DMRT1: variants seen among roughly 807,000 people sequenced by gnomAD.
The protein encoded by DMRT1 is doublesex and mab-3 related transcription factor 1, also known as doublesex- and mab-3-related transcription factor 1.
In DMRT1, 7 loss-of-function variants were observed where a neutral mutation model predicts 32.3. That is an observed-to-expected ratio of 0.22 (90% CI 0.12 to 0.41). The LOEUF is 0.41. Ranked by LOEUF, DMRT1 falls within the 10% of genes least tolerant of loss-of-function variation. The pLI, the probability that DMRT1 is intolerant of heterozygous loss-of-function variation, is 1.00. For missense variants in DMRT1, 625 were observed against 500.5 expected (o/e 1.25, Z -2.37); for synonymous variants, 278 against 206.1 (o/e 1.35, Z -2.99).
intron 2 of DMRT1, among the ~76,000 whole-genome samples, chr9:876,411 C>G (rs1263168632): frequency 2.0e-5 from 3 of 152,156 alleles, no homozygotes; most frequent in African/African-American, 4.8e-5. Flanking sequence ...CACAGTCTGT[C>G]TTTGGAGCTT....
intron 2 of DMRT1, among the ~76,000 whole-genome samples, chr9:888,812 G>A (rs1817031588): frequency 6.6e-6 from 1 of 152,026 alleles, no homozygotes; most frequent in Non-Finnish European, 1.5e-5. Flanking sequence ...ACAGCCGTGT[G>A]TCTCAACAGT....
At chr9:880,108 G>A (rs934961689) in intron 2 of DMRT1, among the ~76,000 whole-genome samples, 5 of 152,086 alleles carry the variant, frequency 3.3e-5, no homozygotes, top group Admixed American at 1.3e-4. Flanking sequence ...AGAGAATGCC[G>A]CCAAATATCT....
intron 1 of DMRT1, 145 bp from the exon 2 acceptor site, chr9:846,815 G>A (rs936012344): frequency 1.0e-6 from 1 of 973,216 alleles, no homozygotes; most frequent in African/African-American, 1.6e-5. Flanking sequence ...ATAGTTACCT[G>A]GGTGGGTTTA....
At chr9:961,011 C>A (rs1819754720) in intron 4 of DMRT1, among the ~76,000 whole-genome samples, 1 of 152,152 alleles carries the variant, frequency 6.6e-6, no homozygotes, top group African/African-American at 2.4e-5. Flanking sequence ...AATGGGGCCC[C>A]ACGCCTTGTG....
At chr9:881,045 C>G (rs563060374) in intron 2 of DMRT1, among the ~76,000 whole-genome samples, 3 of 152,042 alleles carry the variant, frequency 2.0e-5, no homozygotes, top group Non-Finnish European at 2.9e-5. Context: ...TGCCTGGGTC[C>G]CATTGCGGGA....
chr9:900,976 G>C (rs555672913), intron 3 of DMRT1, among the ~76,000 whole-genome samples: 1 of 151,718 alleles, frequency 6.6e-6, no homozygotes, highest in Admixed American at 6.6e-5. Context: ...ACAGGCTTGA[G>C]CTGCTGTGCC....
chr9:919,224 GT>G (rs1328326506), intron 4 of DMRT1, among the ~76,000 whole-genome samples: 4 of 152,134 alleles, frequency 2.6e-5, no homozygotes, highest in Non-Finnish European at 5.9e-5. Context: ...GAAAGACAGT[GT>G]TTTCAGTAGG....
At chr9:898,408 C>A (rs1176796876) in intron 3 of DMRT1, among the ~76,000 whole-genome samples, 1 of 152,152 alleles carries the variant, frequency 6.6e-6, no homozygotes, top group Admixed American at 6.5e-5. Flanking sequence ...CATGAGTCAC[C>A]GTGCCTGGCC....
At chr9:912,153 G>T (rs1432010035) in intron 3 of DMRT1, among the ~76,000 whole-genome samples, 3 of 152,208 alleles carry the variant, frequency 2.0e-5, no homozygotes, top group African/African-American at 7.2e-5. Context: ...AAAGAGAACA[G>T]GGGAAACTGC....
chr9:876,510 T>G (rs1249360699), intron 2 of DMRT1, among the ~76,000 whole-genome samples: 1 of 149,058 alleles, frequency 6.7e-6, no homozygotes, highest in Non-Finnish European at 1.5e-5. Flanking sequence ...ACTGCTAGGT[T>G]GACTCCTCGT....
intron 2 of DMRT1, among the ~76,000 whole-genome samples, chr9:848,323 CTTA>C (rs1838991740): frequency 6.6e-6 from 1 of 151,988 alleles, no homozygotes; most frequent in Non-Finnish European, 1.5e-5. Context: ...TCTTAAAGAT[CTTA>C]TGAATCTTGG....
intron 2 of DMRT1, among the ~76,000 whole-genome samples, chr9:865,032 A>G (rs1408875966): frequency 3.9e-5 from 6 of 152,234 alleles, no homozygotes; most frequent in Non-Finnish European, 7.3e-5. Context: ...CAGTGTGGTC[A>G]GTGAGCATGG....
At chr9:858,680 C>G (rs1225802610) in intron 2 of DMRT1, among the ~76,000 whole-genome samples, 2 of 151,852 alleles carry the variant, frequency 1.3e-5, no homozygotes, top group Non-Finnish European at 2.9e-5. Context: ...TCGAGACCAG[C>G]CTGACCAACA....
At chr9:861,677 G>C (rs980714867) in intron 2 of DMRT1, among the ~76,000 whole-genome samples, 1 of 105,812 alleles carries the variant, frequency 9.5e-6, no homozygotes, top group Non-Finnish European at 1.8e-5. Context: ...AGACGGGGAA[G>C]CCGGGCAGAG....
intron 4 of DMRT1, among the ~76,000 whole-genome samples, chr9:923,445 G>A (rs778966406): frequency 1.4e-5 from 2 of 147,186 alleles, no homozygotes; most frequent in Admixed American, 6.9e-5. Flanking sequence ...GCTGAGAGAG[G>A]GTGAGGATGT....
chr9:920,085 A>C (rs1162074198), intron 4 of DMRT1, among the ~76,000 whole-genome samples: 3 of 152,166 alleles, frequency 2.0e-5, no homozygotes, highest in Admixed American at 6.5e-5. Context: ...TAAGTTTGAG[A>C]TGTCCATGAA....
chr9:874,749 G>T (rs1014111969), intron 2 of DMRT1, among the ~76,000 whole-genome samples: 1 of 150,644 alleles, frequency 6.6e-6, no homozygotes, highest in African/African-American at 2.4e-5. Context: ...CTCTCTTCTT[G>T]GGACTTGTCA....
At chr9:891,538 G>A (rs1267051037) in intron 2 of DMRT1, among the ~76,000 whole-genome samples, 3 of 148,624 alleles carry the variant, frequency 2.0e-5, no homozygotes, top group Non-Finnish European at 4.5e-5. Flanking sequence ...TCTCCCAGAC[G>A]GAGTCTTGCT....
intron 4 of DMRT1, among the ~76,000 whole-genome samples, chr9:928,214 A>G (rs1380384429): frequency 6.6e-6 from 1 of 152,210 alleles, no homozygotes; most frequent in Admixed American, 6.5e-5. Context: ...ATTAAAAATG[A>G]GCTCCATAAA....
Sources: gnomAD v4.1 joint callset for allele counts (sites outside exome capture counted in the v4.1 genomes callset) on GRCh38, gnomAD v4.1.1 for gene constraint, MANE v1.5 for transcripts, NCBI Gene and HGNC (gene_info 2026-07-23, HGNC 2026-07-21) for gene names.